Variants in CPA6 observed in about 807,000 individuals in gnomAD.
CPA6 encodes carboxypeptidase B.
CPA6 carries 58 observed loss-of-function variants against 63.3 expected under a neutral mutation model. That is an observed-to-expected ratio of 0.92 (90% CI 0.74 to 1.14). The LOEUF is 1.14. CPA6 is among the 50% of genes most tolerant of loss of function. The probability of loss-of-function intolerance (pLI) is 0.00; values close to 1 mark genes in which losing one functional copy is unlikely to be tolerated. For missense variants in CPA6, 565 were observed against 526.6 expected, an observed-to-expected ratio of 1.07 and a Z score of -0.71; for synonymous variants, 185 against 179.0, an observed-to-expected ratio of 1.03 and a Z score of -0.27.
At chr8:67,645,500 G>A (rs930874613) in intron 1 of CPA6, among the ~76,000 whole-genome samples, 11 of 152,162 alleles carry the variant, frequency 7.2e-5, no homozygotes, top group African/African-American at 9.7e-5. Flanking sequence ...GTTGTGAAGG[G>A]GCTGTGTATT....
chr8:67,487,055 A>G (rs867894342), intron 6 of CPA6, among the ~76,000 whole-genome samples: 1 of 151,132 alleles, frequency 6.6e-6, no homozygotes, highest in African/African-American at 2.5e-5. Flanking sequence ...CTGAATATAT[A>G]TGTATATTTT....
intron 2 of CPA6, among the ~76,000 whole-genome samples, chr8:67,568,703 G>A (rs1813405941): frequency 6.6e-6 from 1 of 152,130 alleles, no homozygotes; most frequent in Admixed American, 6.5e-5. Context: ...TGCATAATAG[G>A]CATTCAAGAA....
chr8:67,431,456 C>T (rs992574529), intron 9 of CPA6, among the ~76,000 whole-genome samples: 2 of 151,506 alleles, frequency 1.3e-5, no homozygotes, highest in African/African-American at 4.9e-5. Context: ...GTTGCCCAGG[C>T]TGCTCTCGAA....
Position 67,679,264 on chromosome 8 carries a change from A to G in CPA6, c.117-55013T>C, listed in dbSNP as rs147976134. On this transcript the variant is annotated intron_variant, in intron 1 of 10. Transcript: ENST00000297770. ...ATTCTGAAAACAAAAAGCATTTTAT[A>G]TATGTTCTATCTATCACAGTTTATG... Among the ~76,000 whole-genome samples the G allele has an allele frequency of 3.0e-3, 453 of 152,350 alleles. 2 individuals carry two copies. The highest frequency in any genetic ancestry group is 9.3e-3 in the African/African-American group (387 of 41,582).
intron 1 of CPA6, among the ~76,000 whole-genome samples, chr8:67,682,929 G>T (rs564788109): frequency 5.3e-4 from 80 of 152,280 alleles, no homozygotes; most frequent in Admixed American, 9.8e-4. Flanking sequence ...ACATGTATTT[G>T]TTGATGGATA....
chr8:67,697,846 C>G (rs1563397726), intron 1 of CPA6, among the ~76,000 whole-genome samples: 1 of 151,972 alleles, frequency 6.6e-6, no homozygotes, highest in African/African-American at 2.4e-5. Flanking sequence ...AAACTGTGAA[C>G]ATTTGTACGT....
intron 8 of CPA6, among the ~76,000 whole-genome samples, chr8:67,472,898 G>A (rs1012989592): frequency 2.6e-5 from 4 of 152,142 alleles, no homozygotes; most frequent in Admixed American, 6.5e-5. Flanking sequence ...CAACAATATA[G>A]TGTTTTGTGT....
At chr8:67,438,283 G>A (rs1290322103) in intron 8 of CPA6, among the ~76,000 whole-genome samples, 1 of 152,188 alleles carries the variant, frequency 6.6e-6, no homozygotes, top group Non-Finnish European at 1.5e-5. Flanking sequence ...AAGAGATAAA[G>A]AGGAAAATAT....
chr8:67,587,506 C>CT (rs987349412), intron 2 of CPA6, among the ~76,000 whole-genome samples: 4 of 151,542 alleles, frequency 2.6e-5, no homozygotes, highest in South Asian at 2.1e-4. Context: ...GTAAGGTGGC[C>CT]TTTTTTTTGG....
At chr8:67,598,159 A>T (rs926497773) in intron 2 of CPA6, among the ~76,000 whole-genome samples, 1 of 152,194 alleles carries the variant, frequency 6.6e-6, no homozygotes, top group Non-Finnish European at 1.5e-5. Context: ...TGTGAGGCTG[A>T]CAAAATGGCT....
At chr8:67,601,083 C>T (rs1814484984) in intron 2 of CPA6, among the ~76,000 whole-genome samples, 1 of 152,174 alleles carries the variant, frequency 6.6e-6, no homozygotes, top group Admixed American at 6.5e-5. Context: ...ACATAATTTA[C>T]AGTTGAGTAC....
chr8:67,466,080 G>C (rs66826176), intron 8 of CPA6, among the ~76,000 whole-genome samples: 12,189 of 144,034 alleles, frequency 0.085, 655 homozygotes, highest in East Asian at 0.24. Flanking sequence ...CTGGTCTGAG[G>C]CTTGTTTTTT....
chr8:67,722,396 A>G (rs58859922), intron 1 of CPA6, among the ~76,000 whole-genome samples: 8,545 of 152,262 alleles, frequency 0.056, 755 homozygotes, highest in African/African-American at 0.19. Context: ...GTTTGTAGTT[A>G]CATTTTTTAA....
At chr8:67,609,913 T>A (rs369330388) in intron 2 of CPA6, among the ~76,000 whole-genome samples, 3 of 152,176 alleles carry the variant, frequency 2.0e-5, no homozygotes, top group South Asian at 4.1e-4. Context: ...TCCCAGCTAC[T>A]TGGGAGGCTG....
chr8:67,448,468 T>C (rs960110138), intron 8 of CPA6, among the ~76,000 whole-genome samples: 9 of 150,486 alleles, frequency 6.0e-5, no homozygotes, highest in Admixed American at 4.6e-4. Context: ...AAGTCTCTGC[T>C]AAAAATACAA....
At chr8:67,576,331 TA>T (rs1007942562) in intron 2 of CPA6, among the ~76,000 whole-genome samples, 15 of 152,054 alleles carry the variant, frequency 9.9e-5, no homozygotes, top group Admixed American at 2.0e-4. Context: ...TGTATATAAT[TA>T]AAAAAAACAT....
chr8:67,718,707 C>T (rs1863355), intron 1 of CPA6, among the ~76,000 whole-genome samples: 2,819 of 149,928 alleles, frequency 0.019, 88 homozygotes, highest in African/African-American at 0.064. Context: ...AGTGCAGTGG[C>T]GTGATCTCAG....
At chr8:67,556,308 G>C (rs956045919) in intron 2 of CPA6, among the ~76,000 whole-genome samples, 4 of 152,148 alleles carry the variant, frequency 2.6e-5, no homozygotes, top group Non-Finnish European at 5.9e-5. Context: ...CTGGGCTTGA[G>C]GAGGGGAGAG....
At chr8:67,435,906 C>A (rs1563951647) in intron 8 of CPA6, among the ~76,000 whole-genome samples, 1 of 151,610 alleles carries the variant, frequency 6.6e-6, no homozygotes. Context: ...TCCCCTGACC[C>A]CACATGGTCT....
Sources: gnomAD v4.1 joint callset for allele counts (sites outside exome capture counted in the v4.1 genomes callset) on GRCh38, gnomAD v4.1.1 for gene constraint, MANE v1.5 for transcripts, NCBI Gene and HGNC (gene_info 2026-07-23, HGNC 2026-07-21) for gene names.